Variants in ATP8A1 observed in about 807,000 individuals in gnomAD.
ATP8A1 encodes the protein phospholipid-transporting ATPase IA.
Under a neutral mutation model 177.7 loss-of-function variants are expected in ATP8A1, and 90 were observed. The observed-to-expected ratio is 0.51, with a 90% CI of 0.43 to 0.60. ATP8A1 has a LOEUF of 0.60. ATP8A1 is among the 20% of genes least tolerant of loss of function. The pLI, the probability that ATP8A1 is intolerant of heterozygous loss-of-function variation, is 0.00. For synonymous variants in ATP8A1, 493 were observed against 485.9 expected (o/e 1.01, Z -0.19); for missense variants, 1,072 against 1,392.8 (o/e 0.77, Z 3.67).
chr4:42,470,638 T>G (rs1346065627), intron 25 of ATP8A1, among the ~76,000 whole-genome samples: 1 of 152,182 alleles, frequency 6.6e-6, no homozygotes, highest in Non-Finnish European at 1.5e-5. Flanking sequence ...CAAAGACTTA[T>G]ACTGGAAACT....
At position 42,609,409 on chromosome 4, in the gene ATP8A1, T is replaced by A. The variant is rs559208706; in HGVS notation, c.409+6624A>T. 3.3e-5 allele frequency among the ~76,000 whole-genome samples: 5 copies of A among 152,302 alleles called. No homozygotes were observed. The East Asian group carries it at 7.7e-4, about 23-fold the overall frequency. ...AGCAATACCCTATTCTCGAAATGCT[T>A]TCCCTTTCTCCTGCTCACAGTCATG... On this transcript the variant is annotated intron_variant, in intron 5 of 36. Coordinates refer to ENST00000381668, the MANE Select transcript of ATP8A1 (RefSeq NM_006095.2).
intron 30 of ATP8A1, among the ~76,000 whole-genome samples, chr4:42,447,386 T>C (rs1192016240): frequency 6.6e-6 from 1 of 152,086 alleles, no homozygotes; most frequent in Non-Finnish European, 1.5e-5. Context: ...TTTCACCATG[T>C]TGACCAGGCT....
intron 1 of ATP8A1, among the ~76,000 whole-genome samples, chr4:42,627,740 TA>T (rs891960109): frequency 6.6e-6 from 1 of 152,178 alleles, no homozygotes; most frequent in Non-Finnish European, 1.5e-5. Flanking sequence ...ACAAACACTT[TA>T]AAAAATACAT....
intron 6 of ATP8A1, among the ~76,000 whole-genome samples, chr4:42,591,667 T>C (rs1734193313): frequency 6.6e-6 from 1 of 152,188 alleles, no homozygotes; most frequent in African/African-American, 2.4e-5. Flanking sequence ...TATTTTACCC[T>C]ACTTTATACT....
In ATP8A1 at chr4:42,579,982, T is replaced by A; in HGVS notation, c.835-4A>T. 6.3e-7 allele frequency: 1 copy of A among 1,588,772 alleles called. No individual in the cohort carries two copies. The highest frequency in any genetic ancestry group is 8.6e-7 in the Non-Finnish European group (1 of 1,166,564). ...TAAGTGGTGGACTTGTTGAATTCTG[T>A]AAAAAGAAACAAGATGAGTAATAAA... On this transcript the variant is annotated splice_polypyrimidine_tract_variant and splice_region_variant and intron_variant, in intron 10 of 36. Coordinates refer to ENST00000381668, the MANE Select transcript of ATP8A1 (RefSeq NM_006095.2).
At chr4:42,493,918 C>T (rs764824156) in intron 24 of ATP8A1, among the ~76,000 whole-genome samples, 14 of 151,428 alleles carry the variant, frequency 9.2e-5, no homozygotes, top group East Asian at 7.7e-4. Flanking sequence ...TAACACGAAA[C>T]GCGCCAGGTC....
intron 1 of ATP8A1, among the ~76,000 whole-genome samples, chr4:42,636,923 C>T (rs1230319935): frequency 2.0e-5 from 3 of 152,156 alleles, no homozygotes; most frequent in Non-Finnish European, 4.4e-5. Context: ...GCCTTAGATC[C>T]TCCTCAACCT....
At chr4:42,452,831 G>A (rs1346973328) in intron 29 of ATP8A1, among the ~76,000 whole-genome samples, 1 of 152,154 alleles carries the variant, frequency 6.6e-6, no homozygotes, top group Admixed American at 6.5e-5. Flanking sequence ...ATTTAAAAGT[G>A]CTTCTTGCAA....
At chr4:42,571,981 C>T (rs368070310) in intron 14 of ATP8A1, among the ~76,000 whole-genome samples, 3 of 152,198 alleles carry the variant, frequency 2.0e-5, no homozygotes, top group African/African-American at 7.2e-5. Context: ...AGGAATTATA[C>T]TATCAGGAAA....
At chr4:42,583,171 C>T (rs1056725304) in intron 9 of ATP8A1, among the ~76,000 whole-genome samples, 1 of 11,842 alleles carries the variant, frequency 8.4e-5, no homozygotes, top group African/African-American at 9.5e-5. Flanking sequence ...CATTCAGGAA[C>T]TACACAAATT....
At chr4:42,441,980 G>T (rs1436986082) in intron 33 of ATP8A1, among the ~76,000 whole-genome samples, 1 of 152,138 alleles carries the variant, frequency 6.6e-6, no homozygotes, top group Non-Finnish European at 1.5e-5. Flanking sequence ...GCATCACCAT[G>T]AGTCTCAAGA....
At chr4:42,434,258 T>C (rs1195368106) in intron 33 of ATP8A1, among the ~76,000 whole-genome samples, 1 of 152,116 alleles carries the variant, frequency 6.6e-6, no homozygotes, top group Non-Finnish European at 1.5e-5. Context: ...AGACAGGGTA[T>C]GATATCTCAG....
At chr4:42,446,770 A>T in intron 30 of ATP8A1, 126 bp from the exon 31 acceptor site, 1 of 646,676 alleles carries the variant, frequency 1.5e-6, no homozygotes, top group Non-Finnish European at 2.5e-6. Flanking sequence ...CAGAAATGAG[A>T]TTAAAAAAAA....
chr4:42,426,445 C>T (rs1714630347), intron 33 of ATP8A1, among the ~76,000 whole-genome samples: 1 of 152,208 alleles, frequency 6.6e-6, no homozygotes, highest in South Asian at 2.1e-4. Context: ...AGACTGTCTC[C>T]ATGGACCCCA....
chr4:42,491,012 T>C (rs1722687183), intron 24 of ATP8A1, among the ~76,000 whole-genome samples: 1 of 152,212 alleles, frequency 6.6e-6, no homozygotes, highest in South Asian at 2.1e-4. Flanking sequence ...TTTTCTTGTG[T>C]GACCATTTTA....
chr4:42,556,082 C>G (rs1164386658), intron 15 of ATP8A1, 42 bp from the exon 16 acceptor site: 2 of 1,370,234 alleles, frequency 1.5e-6, no homozygotes, highest in Non-Finnish European at 2.1e-6. Flanking sequence ...TTCATTTATA[C>G]CAGCCCACTG....
chr4:42,497,876 A>C (rs1723444181), intron 24 of ATP8A1, among the ~76,000 whole-genome samples: 2 of 152,248 alleles, frequency 1.3e-5, no homozygotes, highest in African/African-American at 4.8e-5. Context: ...ACTTGGAGTA[A>C]GCAGTGTGCC....
chr4:42,644,491 C>A (rs1275391534), intron 1 of ATP8A1, among the ~76,000 whole-genome samples: 1 of 152,078 alleles, frequency 6.6e-6, no homozygotes, highest in Non-Finnish European at 1.5e-5. Context: ...CTGCAAAGTA[C>A]AAATCACATT....
chr4:42,653,881 C>T (rs1278768762), intron 1 of ATP8A1, among the ~76,000 whole-genome samples: 1 of 152,202 alleles, frequency 6.6e-6, no homozygotes, highest in African/African-American at 2.4e-5. Context: ...TCCTTAAGAA[C>T]TCTGAAATAA....
Sources: allele counts gnomAD v4.1 joint callset (sites outside exome capture counted in the v4.1 genomes callset), GRCh38; gene constraint gnomAD v4.1.1; transcripts MANE v1.5; gene names NCBI Gene and HGNC (gene_info 2026-07-23, HGNC 2026-07-21).